OTUD7A: variants seen among roughly 807,000 people sequenced by gnomAD.
OTUD7A encodes OTU domain-containing protein 7A.
A neutral mutation model predicts 65.7 loss-of-function variants in OTUD7A; 12 were observed. That is an observed-to-expected ratio of 0.18 (90% confidence interval 0.12 to 0.30). OTUD7A has a LOEUF of 0.30. Ranked by LOEUF, OTUD7A falls within the 10% of genes least tolerant of loss-of-function variation. OTUD7A has a pLI of 1.00. For missense variants in OTUD7A, 1,148 were observed against 1,304.8 expected (o/e 0.88, Z 1.85); for synonymous variants, 641 against 586.3 (o/e 1.09, Z -1.35).
intron 1 of OTUD7A, among the ~76,000 whole-genome samples, chr15:31,865,061 G>A (rs936092747): frequency 6.6e-6 from 1 of 152,088 alleles, no homozygotes; most frequent in East Asian, 1.9e-4. Context: ...TCACACAACT[G>A]GTCATCAAGT....
At chr15:31,597,595 C>G (rs1889944561) in intron 3 of OTUD7A, among the ~76,000 whole-genome samples, 1 of 151,980 alleles carries the variant, frequency 6.6e-6, no homozygotes, top group Non-Finnish European at 1.5e-5. Context: ...TTCTGGGATA[C>G]ACGGTCTCTG....
rs1367643893 is a variant in OTUD7A at position 31,753,739 on chromosome 15, A to C, written c.-99-96662T>G. ...ATATATATTATATATATATATATAT[A>C]TCTCACAGTTTCTTTATCCATTCCT... is the stretch of plus-strand genomic sequence containing the variant. On this transcript the variant is annotated intron_variant, in intron 1 of 12. Transcript: ENST00000307050. Among the ~76,000 whole-genome samples the C allele has an allele frequency of 2.5e-4, 31 of 122,924 alleles. 1 individual carries two copies. The highest frequency in any genetic ancestry group is 5.0e-4 in the South Asian group (2 of 4,004). 80.6% of individuals were successfully genotyped at this position (122,924 alleles called of 152,430 possible). A position where few individuals can be genotyped will look rare whatever the true frequency, so the allele number is the denominator to read the frequency against.
chr15:31,587,751 C>T (rs1889591664), intron 3 of OTUD7A, among the ~76,000 whole-genome samples: 2 of 152,182 alleles, frequency 1.3e-5, no homozygotes, highest in South Asian at 4.1e-4. Flanking sequence ...GGCCTCCAGG[C>T]CCTTGGCAAT....
intron 1 of OTUD7A, among the ~76,000 whole-genome samples, chr15:31,732,436 T>C (rs1740617671): frequency 6.6e-6 from 1 of 152,234 alleles, no homozygotes; most frequent in African/African-American, 2.4e-5. Context: ...CCATGCTTCA[T>C]ATTTATATCA....
chr15:31,634,910 C>T (rs192954571), intron 3 of OTUD7A, among the ~76,000 whole-genome samples: 1 of 152,300 alleles, frequency 6.6e-6, no homozygotes, highest in African/African-American at 2.4e-5. Context: ...AGGTTGGGAC[C>T]CTGGGGACGC....
rs1378552151 is a variant in OTUD7A at position 31,481,967 on chromosome 15, T to C, written c.*1327A>G. The C allele has an allele frequency of 6.6e-6, 1 of 152,234 alleles. No individual in the cohort carries two copies. The highest frequency in any genetic ancestry group is 1.5e-5 in the Non-Finnish European group (1 of 68,042). 9.4% of individuals were successfully genotyped at this position (152,234 alleles called of 1,614,324 possible). On this transcript the variant is annotated 3_prime_UTR_variant, in exon 13 of 13. Coordinates refer to ENST00000307050, the MANE Select transcript of OTUD7A (RefSeq NM_001382637.1). ...GTTAGTGAGGATTTTACCCATCTTA[T>C]CCTCATTTCTTGGAAACAAGCTCGT...
chr15:31,778,806 C>A (rs1252499056), intron 1 of OTUD7A, among the ~76,000 whole-genome samples: 1 of 152,190 alleles, frequency 6.6e-6, no homozygotes, highest in Non-Finnish European at 1.5e-5. Flanking sequence ...ATTTATTTCT[C>A]TGCTCTTCCT....
chr15:31,823,242 A>G (rs1401345807), intron 1 of OTUD7A, among the ~76,000 whole-genome samples: 3 of 152,232 alleles, frequency 2.0e-5, no homozygotes, highest in Non-Finnish European at 4.4e-5. Flanking sequence ...GAAATTCACC[A>G]GGCAGGTAGG....
chr15:31,582,039 T>G (rs904642209), intron 3 of OTUD7A, among the ~76,000 whole-genome samples: 1 of 152,230 alleles, frequency 6.6e-6, no homozygotes, highest in African/African-American at 2.4e-5. Flanking sequence ...CCAAGTCACC[T>G]CTTGAATGCT....
intron 9 of OTUD7A, among the ~76,000 whole-genome samples, chr15:31,502,325 T>C (rs1008694774): frequency 1.3e-5 from 2 of 152,192 alleles, no homozygotes; most frequent in Non-Finnish European, 2.9e-5. Flanking sequence ...ATCAAGTCCT[T>C]CAGTGACAGG....
chr15:31,765,648 C>T (rs1043030685), intron 1 of OTUD7A: 13 of 654,900 alleles, frequency 2.0e-5, no homozygotes, highest in Middle Eastern at 4.2e-4. Flanking sequence ...TTTAGAAATA[C>T]CTTATTAATG....
Position 31,835,661 on chromosome 15 carries a change from C to CACACAT in OTUD7A, c.-100+34840_-100+34845dup, listed in dbSNP as rs201137323. Among the ~76,000 whole-genome samples, 497 of 152,282 alleles carry CACACAT rather than the reference C, an allele frequency of 3.3e-3. 14 individuals are homozygous for CACACAT. The highest frequency in any genetic ancestry group is 0.031 in the Admixed American group (467 of 15,290). Reference sequence around the variant, plus strand: ...TTTCACATACGCACACACACATATACACACATACACATACATACAAACACA... The same window carrying CACACAT: ...TTTCACATACGCACACACACATATACACACATACACATACACATACATACAAACACA... On this transcript the variant is annotated intron_variant, in intron 1 of 12. Coordinates refer to ENST00000307050, the MANE Select transcript of OTUD7A (RefSeq NM_001382637.1).
chr15:31,634,475 G>A (rs1891277857), intron 3 of OTUD7A, among the ~76,000 whole-genome samples: 2 of 152,182 alleles, frequency 1.3e-5, no homozygotes, highest in African/African-American at 2.4e-5. Flanking sequence ...CTGCCAGCAA[G>A]CCACAGCACG....
intron 3 of OTUD7A, 137 bp downstream of exon 3, chr15:31,654,959 T>A: frequency 9.9e-7 from 1 of 1,015,076 alleles, no homozygotes; most frequent in Non-Finnish European, 1.4e-6. Flanking sequence ...AATTTTGACT[T>A]AATATCGGTA....
intron 1 of OTUD7A, among the ~76,000 whole-genome samples, chr15:31,835,017 A>G (rs572120110): frequency 6.6e-6 from 1 of 152,334 alleles, no homozygotes; most frequent in South Asian, 2.1e-4. Context: ...AGGGCTAAAC[A>G]TCTTGCCACA....
intron 1 of OTUD7A, among the ~76,000 whole-genome samples, chr15:31,657,704 A>C (rs1892034434): frequency 6.6e-6 from 1 of 151,484 alleles, no homozygotes; most frequent in South Asian, 2.1e-4. Context: ...CCATCACCAC[A>C]CCCTCACATT....
chr15:31,493,544 T>C (rs887165035), intron 10 of OTUD7A, among the ~76,000 whole-genome samples: 1 of 152,236 alleles, frequency 6.6e-6, no homozygotes, highest in Non-Finnish European at 1.5e-5. Flanking sequence ...AATTGACATT[T>C]CTAGAACCTA....
chr15:31,617,709 G>T (rs866869058), intron 3 of OTUD7A, among the ~76,000 whole-genome samples: 11 of 152,134 alleles, frequency 7.2e-5, no homozygotes, highest in African/African-American at 2.7e-4. Context: ...GAAGAGGGAA[G>T]GAAAGAGATT....
chr15:31,641,778 T>G (rs186485794), intron 3 of OTUD7A, among the ~76,000 whole-genome samples: 31 of 152,362 alleles, frequency 2.0e-4, no homozygotes, highest in Admixed American at 1.9e-3. Context: ...CTTACAACAC[T>G]GCTAACTTCA....
Sources: gnomAD v4.1 joint callset for allele counts (sites outside exome capture counted in the v4.1 genomes callset) on GRCh38, gnomAD v4.1.1 for gene constraint, MANE v1.5 for transcripts, NCBI Gene and HGNC (gene_info 2026-07-23, HGNC 2026-07-21) for gene names.